ARHGAP6: variants seen among roughly 807,000 people sequenced by gnomAD.
ARHGAP6 encodes Rho GTPase activating protein 6, also known as rho GTPase-activating protein 6.
A neutral mutation model predicts 55.7 loss-of-function variants in ARHGAP6; 16 were observed. The ratio of observed to expected loss-of-function variants is 0.29; its 90% CI spans 0.19 to 0.44. The LOEUF (loss-of-function observed/expected upper bound fraction) is 0.44, where lower values mean the gene tolerates loss of function less well. Among genes scored for constraint, ARHGAP6 ranks in the 20% least tolerant of loss-of-function variants. The pLI is 1.00. For missense variants in ARHGAP6, 698 were observed against 808.9 expected, an observed-to-expected ratio of 0.86 and a Z score of 1.66; for synonymous variants, 382 against 360.9, an observed-to-expected ratio of 1.06 and a Z score of -0.66.
intron 1 of ARHGAP6, among the ~76,000 whole-genome samples, chrX:11,635,089 A>C (rs2052403201): frequency 8.9e-6 from 1 of 112,541 alleles, no homozygotes; most frequent in African/African-American, 3.2e-5. Flanking sequence ...CCAGTATGAC[A>C]GCTTACTTCA....
intron 1 of ARHGAP6, among the ~76,000 whole-genome samples, chrX:11,424,189 G>A (rs2049855691): frequency 8.9e-6 from 1 of 112,020 alleles, no homozygotes; most frequent in African/African-American, 3.2e-5. Flanking sequence ...GAGCACTGCA[G>A]GATCAGGGCA....
chrX:11,379,901 A>G (rs2049243003), intron 1 of ARHGAP6, among the ~76,000 whole-genome samples: 1 of 111,143 alleles, frequency 9.0e-6, no homozygotes, highest in Non-Finnish European at 1.9e-5. Context: ...AGTGACGTAC[A>G]AACTACCTAA....
At chrX:11,319,947 G>A (rs1176759914) in intron 1 of ARHGAP6, among the ~76,000 whole-genome samples, 5 of 111,964 alleles carry the variant, frequency 4.5e-5, no homozygotes, top group Non-Finnish European at 9.4e-5. Context: ...TAAACAGCTG[G>A]GGGGGAAAAT....
chrX:11,150,695 A>T (rs745435238), intron 10 of ARHGAP6, among the ~76,000 whole-genome samples: 1 of 111,854 alleles, frequency 8.9e-6, no homozygotes, highest in South Asian at 3.8e-4. Flanking sequence ...GAGCTGAGGC[A>T]GGAAGATCGC....
intron 1 of ARHGAP6, among the ~76,000 whole-genome samples, chrX:11,487,636 G>T (rs946297085): frequency 1.8e-5 from 2 of 112,160 alleles, no homozygotes; most frequent in African/African-American, 6.5e-5. Flanking sequence ...GTTTATCTGA[G>T]ATGCAAATTT....
chrX:11,300,750 C>T (rs1447010523), intron 1 of ARHGAP6: 1 of 558,003 alleles, frequency 1.8e-6, no homozygotes, highest in African/African-American at 2.3e-5. Context: ...CAATAAAATG[C>T]ATTAAAAATC....
chrX:11,291,578 T>C (rs2047994275), intron 1 of ARHGAP6, among the ~76,000 whole-genome samples: 1 of 111,268 alleles, frequency 9.0e-6, no homozygotes, highest in Admixed American at 9.5e-5. Context: ...TATGTAATTA[T>C]ATAAAATGGG....
chrX:11,227,578 C>A (rs1178159927), intron 2 of ARHGAP6, among the ~76,000 whole-genome samples: 1 of 110,343 alleles, frequency 9.1e-6, no homozygotes, highest in Non-Finnish European at 1.9e-5. Flanking sequence ...CTTCCTAGCC[C>A]TTCCCTCTTC....
At chrX:11,249,767 T>C (rs1474001706) in intron 2 of ARHGAP6, among the ~76,000 whole-genome samples, 1 of 112,413 alleles carries the variant, frequency 8.9e-6, no homozygotes, top group Admixed American at 9.4e-5. Flanking sequence ...GTTTGTCAAA[T>C]GTGCTATAAA....
intron 1 of ARHGAP6, among the ~76,000 whole-genome samples, chrX:11,573,362 A>G (rs7884493): frequency 0.25 from 27,635 of 108,820 alleles, 2,996 homozygotes; most frequent in Middle Eastern, 0.38. Flanking sequence ...TCATTTTTGT[A>G]TAAGGTGTAA....
chrX:11,570,872 G>A (rs927994719), intron 1 of ARHGAP6, among the ~76,000 whole-genome samples: 6 of 111,548 alleles, frequency 5.4e-5, no homozygotes, highest in Non-Finnish European at 1.1e-4. Flanking sequence ...GGAGGTAGGG[G>A]CCTTTTGGAG....
chrX:11,552,258 T>C (rs974978929), intron 1 of ARHGAP6, among the ~76,000 whole-genome samples: 1 of 108,649 alleles, frequency 9.2e-6, no homozygotes, highest in Non-Finnish European at 1.9e-5. Flanking sequence ...TTATCAAAAA[T>C]ATGAAACATA....
intron 1 of ARHGAP6, among the ~76,000 whole-genome samples, chrX:11,445,285 A>G (rs1341067005): frequency 8.9e-6 from 1 of 111,950 alleles, no homozygotes; most frequent in Non-Finnish European, 1.9e-5. Context: ...ATAGGACAGG[A>G]AGGCATCAAA....
At chrX:11,238,621 G>A (rs1454973258) in intron 2 of ARHGAP6, among the ~76,000 whole-genome samples, 1 of 112,326 alleles carries the variant, frequency 8.9e-6, no homozygotes, top group Non-Finnish European at 1.9e-5. Flanking sequence ...CCAGCAAATG[G>A]AACCAGTGGA....
chrX:11,587,891 T>G (rs763389083), intron 1 of ARHGAP6, among the ~76,000 whole-genome samples: 2 of 112,051 alleles, frequency 1.8e-5, no homozygotes, highest in South Asian at 7.4e-4. Context: ...GGGAGAAGAG[T>G]TAATCTTATG....
intron 1 of ARHGAP6, among the ~76,000 whole-genome samples, chrX:11,428,463 C>T (rs2147786337): frequency 8.9e-6 from 1 of 112,316 alleles, no homozygotes; most frequent in East Asian, 2.8e-4. Flanking sequence ...TGGAGAAGAT[C>T]AGCGAGTTCC....
At chrX:11,471,268 C>T (rs1157013296) in intron 1 of ARHGAP6, among the ~76,000 whole-genome samples, 1 of 111,305 alleles carries the variant, frequency 9.0e-6, no homozygotes, top group Non-Finnish European at 1.9e-5. Context: ...CCAGAAACAA[C>T]AACAGTAACA....
chrX:11,358,359 T>C (rs73498706), intron 1 of ARHGAP6, among the ~76,000 whole-genome samples: 6,646 of 111,779 alleles, frequency 0.059, 217 homozygotes, highest in African/African-American at 0.12. Context: ...TAGACATATA[T>C]GTTCATTTCT....
At chrX:11,523,653 A>T (rs956600494) in intron 1 of ARHGAP6, among the ~76,000 whole-genome samples, 4 of 111,791 alleles carry the variant, frequency 3.6e-5, no homozygotes, top group African/African-American at 9.7e-5. Context: ...CATCTCTTAC[A>T]TCTGCCTGTT....
Sources: gnomAD v4.1 joint callset for allele counts (sites outside exome capture counted in the v4.1 genomes callset) on GRCh38, gnomAD v4.1.1 for gene constraint, MANE v1.5 for transcripts, NCBI Gene and HGNC (gene_info 2026-07-23, HGNC 2026-07-21) for gene names.